Variants in ORC3 observed in about 807,000 individuals in gnomAD.
The protein encoded by ORC3 is origin recognition complex subunit 3, also known as homolog of latheo, Drosophila.
Under a neutral mutation model 100.7 loss-of-function variants are expected in ORC3, and 78 were observed. The observed-to-expected ratio is 0.77, with a 90% CI of 0.65 to 0.94. The LOEUF is 0.94. Ranked by LOEUF, ORC3 falls within the 40% of genes least tolerant of loss-of-function variation. The pLI is 0.00. For synonymous variants in ORC3, 295 were observed against 289.3 expected (o/e 1.02, Z -0.20); for missense variants, 789 against 823.9 (o/e 0.96, Z 0.52).
chr6:87,622,551 GAATA>G (rs1779611263), intron 11 of ORC3, among the ~76,000 whole-genome samples: 1 of 151,902 alleles, frequency 6.6e-6, no homozygotes, highest in South Asian at 2.1e-4. Context: ...CTTCTTTCTT[GAATA>G]AATAATACTT....
chr6:87,656,765 T>C, intron 14 of ORC3, 141 bp from the exon 15 acceptor site: 1 of 548,488 alleles, frequency 1.8e-6, no homozygotes, highest in Non-Finnish European at 3.3e-6. Flanking sequence ...TAAGAAATCA[T>C]TTATCAGATG....
chr6:87,658,829 C>T (rs1769930923), intron 16 of ORC3, among the ~76,000 whole-genome samples: 1 of 152,098 alleles, frequency 6.6e-6, no homozygotes, highest in Non-Finnish European at 1.5e-5. Flanking sequence ...ATTTAGAAGT[C>T]TACCAATCCA....
chr6:87,659,058 A>AT (rs71021316), intron 16 of ORC3, among the ~76,000 whole-genome samples: 5,515 of 93,204 alleles, frequency 0.059, 137 homozygotes, highest in African/African-American at 0.07. Flanking sequence ...GTTTATTGTA[A>AT]TTTTTTTTTT....
intron 6 of ORC3, 83 bp downstream of exon 6, chr6:87,607,907 G>A: frequency 2.3e-6 from 2 of 883,558 alleles, no homozygotes; most frequent in South Asian, 4.5e-5. Flanking sequence ...GTACTGTTTT[G>A]ATCTAACAAG....
intron 3 of ORC3, among the ~76,000 whole-genome samples, chr6:87,602,954 A>AATATATATATATACACATATATAAT (rs1554236513): frequency 6.3e-5 from 6 of 95,296 alleles, no homozygotes; most frequent in African/African-American, 2.1e-4. Context: ...ACACATATAT[A>AATATATATATATACACATATATAAT]ATATATATAT....
chr6:87,651,942 A>G lies in ORC3; in HGVS notation c.1383-1174A>G, dbSNP rs1216284574. Among the ~76,000 whole-genome samples the G allele has an allele frequency of 2.7e-5, 4 of 149,310 alleles. No individual in the cohort carries two copies. In the East Asian group the frequency reaches 7.8e-4, roughly 29 times the overall value. On this transcript the variant is annotated intron_variant, in intron 13 of 19. Transcript: ENST00000392844. Reference sequence around the variant, plus strand: ...GAGACTGAGTCTCACTCTGTTGCCCAGGCTGGAGTGCAGTGTCGTGATCTC... The same window carrying G: ...GAGACTGAGTCTCACTCTGTTGCCCGGGCTGGAGTGCAGTGTCGTGATCTC...
intron 11 of ORC3, among the ~76,000 whole-genome samples, chr6:87,632,865 G>A (rs1767531445): frequency 6.6e-6 from 1 of 152,068 alleles, no homozygotes; most frequent in Admixed American, 6.6e-5. Context: ...ATAAAATAAT[G>A]ATTAAAGCAA....
chr6:87,619,392 A>G (rs908106354), intron 9 of ORC3, among the ~76,000 whole-genome samples: 19 of 151,980 alleles, frequency 1.3e-4, no homozygotes, highest in African/African-American at 3.9e-4. Context: ...TTACTAAACT[A>G]TTTACATGGT....
At chr6:87,669,084 A>G (rs551257492), downstream of ORC3, among the ~76,000 whole-genome samples, 1 of 152,334 alleles carries the variant, frequency 6.6e-6, no homozygotes, top group South Asian at 2.1e-4. Context: ...TTAAACCCAG[A>G]AGGTGGAGGT....
intron 18 of ORC3, 29 bp downstream of exon 18, chr6:87,664,888 A>G (rs780097024): frequency 3.0e-6 from 4 of 1,334,976 alleles, no homozygotes; most frequent in Non-Finnish European, 4.2e-6. Context: ...AACAAGCTAG[A>G]TATTTTTCTA....
At chr6:87,633,190 C>G (rs907807929) in intron 11 of ORC3, among the ~76,000 whole-genome samples, 6 of 152,280 alleles carry the variant, frequency 3.9e-5, no homozygotes, top group African/African-American at 1.4e-4. Context: ...TGTGATTACT[C>G]AGTAATAGAG....
intron 2 of ORC3, among the ~76,000 whole-genome samples, chr6:87,599,839 C>T (rs958184753): frequency 6.6e-5 from 10 of 151,946 alleles, no homozygotes; most frequent in Admixed American, 1.3e-4. Flanking sequence ...CAGATGTGGT[C>T]GCGGGCGCCT....
In ORC3 at chr6:87,606,008, T is replaced by A; in HGVS notation, c.414T>A (p.Ala138=). The A allele has an allele frequency of 6.5e-7, 1 of 1,544,650 alleles. No individual in the cohort carries two copies. ...NVTPYVVSLQ[A]KDCPDMKHFL... ...CACCATATGTAGTCTCATTGCAAGCTAAAGATTGTCCAGGTAAAAATATAA... is the reference window on the plus strand; with the variant it reads ...CACCATATGTAGTCTCATTGCAAGCAAAAGATTGTCCAGGTAAAAATATAA... The change falls in exon 5 of 20, where the codon GCT becomes GCA. Residue 138 remains alanine, a synonymous_variant. Transcript: ENST00000392844.
At chr6:87,638,435 A>G (rs1019763473) in intron 13 of ORC3, among the ~76,000 whole-genome samples, 1 of 152,242 alleles carries the variant, frequency 6.6e-6, no homozygotes, top group Non-Finnish European at 1.5e-5. Context: ...AGAAAAGACT[A>G]AAATGACCCC....
intron 11 of ORC3, among the ~76,000 whole-genome samples, chr6:87,628,060 T>A (rs919450155): frequency 3.9e-5 from 6 of 152,250 alleles, no homozygotes; most frequent in Non-Finnish European, 5.9e-5. Context: ...AACTCAGTAA[T>A]GAGTTTTTTA....
At chr6:87,636,332 A>G (rs756221241) in intron 12 of ORC3, 75 bp from the exon 13 acceptor site, 5 of 814,354 alleles carry the variant, frequency 6.1e-6, no homozygotes, top group African/African-American at 1.7e-5. Flanking sequence ...TTTTGTGTTG[A>G]CCAGAAATGA....
intron 2 of ORC3, among the ~76,000 whole-genome samples, chr6:87,595,914 G>T (rs774071911): frequency 6.6e-6 from 1 of 152,114 alleles, no homozygotes; most frequent in Non-Finnish European, 1.5e-5. Context: ...GCTCACTTCA[G>T]CCTTGAAAAC....
At chr6:87,675,746 AC>A in the ORC3 span, 1 of 1,445,742 alleles carries the variant, frequency 6.9e-7, no homozygotes, top group South Asian at 1.2e-5. Flanking sequence ...TTTCCTCCAT[AC>A]ATTCTCAGTA....
At chr6:87,665,340 ATTCT>A (rs538435627) in intron 18 of ORC3, among the ~76,000 whole-genome samples, 15 of 152,236 alleles carry the variant, frequency 9.9e-5, no homozygotes, top group Non-Finnish European at 1.8e-4. Context: ...ATAAACAACT[ATTCT>A]TTCTGTCTTC....
Sources: allele counts gnomAD v4.1 joint callset (sites outside exome capture counted in the v4.1 genomes callset), GRCh38; gene constraint gnomAD v4.1.1; transcripts MANE v1.5; gene names NCBI Gene and HGNC (gene_info 2026-07-23, HGNC 2026-07-21).